The following WDR49 variants were observed in gnomAD, a reference collection of about 807,000 sequenced individuals.
WDR49 encodes the protein cilia- and flagella-associated protein 337.
A neutral mutation model predicts 119.5 loss-of-function variants in WDR49; 107 were observed. The ratio of observed to expected loss-of-function variants is 0.90; its 90% CI spans 0.77 to 1.05. The LOEUF is 1.05. Ranked by LOEUF, WDR49 falls within the 50% of genes least tolerant of loss-of-function variation. The probability of loss-of-function intolerance (pLI) is 0.00; values close to 1 mark genes in which losing one functional copy is unlikely to be tolerated. For synonymous variants in WDR49, 425 were observed against 418.8 expected (o/e 1.01, Z -0.18); for missense variants, 1,240 against 1,220.5 (o/e 1.02, Z -0.24).
intron 10 of WDR49, among the ~76,000 whole-genome samples, chr3:167,545,495 T>TTA (rs1437973289): frequency 1.6e-5 from 2 of 121,596 alleles, no homozygotes; most frequent in Non-Finnish European, 3.6e-5. Flanking sequence ...CATATATATA[T>TTA]TATATATTAT....
chr3:167,536,712 C>CACATAT lies in WDR49; in HGVS notation c.1954+157_1954+158insATATGT, dbSNP rs142755774. ...ATATATATATATATATATACACACA[C>CACATAT]ATATATATATATATATATATACACA... is the stretch of plus-strand genomic sequence containing the variant. On this transcript the variant is annotated intron_variant, in intron 11 of 18. Coordinates refer to ENST00000682715, the MANE Select transcript of WDR49 (RefSeq NM_001366157.1). Among the ~76,000 whole-genome samples, 5 of 136,890 alleles carry CACATAT rather than the reference C, an allele frequency of 3.7e-5. No individual in the cohort carries two copies. The East Asian group carries it at 1.0e-3, about 28-fold the overall frequency. 89.8% of individuals were successfully genotyped at this position (136,890 alleles called of 152,430 possible).
intron 8 of WDR49, among the ~76,000 whole-genome samples, chr3:167,570,107 G>T (rs1183887754): frequency 1.6e-5 from 2 of 125,226 alleles, no homozygotes; most frequent in East Asian, 4.0e-4. Flanking sequence ...CTTTAAGCTA[G>T]CCAAAAAAAA....
At chr3:167,576,196 T>C in intron 7 of WDR49, 45 bp from the exon 8 acceptor site, 3 of 1,551,022 alleles carry the variant, frequency 1.9e-6, no homozygotes, top group Non-Finnish European at 2.6e-6. Flanking sequence ...CAAAGATAAT[T>C]GTAATCTTTT....
chr3:167,528,174 G>T (rs936994465), intron 14 of WDR49, among the ~76,000 whole-genome samples, 157 bp from the exon 15 acceptor site: 1 of 151,708 alleles, frequency 6.6e-6, no homozygotes, highest in Non-Finnish European at 1.5e-5. Context: ...GCTAGAAAAC[G>T]AAATTACATT....
chr3:167,634,582 G>A (rs978497352), intron 2 of WDR49, among the ~76,000 whole-genome samples: 13 of 151,712 alleles, frequency 8.6e-5, no homozygotes, highest in Admixed American at 5.3e-4. Context: ...TTTAGAAAAA[G>A]CATAAACTCT....
chr3:167,581,967 G>A (rs997155456), intron 7 of WDR49, among the ~76,000 whole-genome samples: 7 of 151,844 alleles, frequency 4.6e-5, no homozygotes, highest in African/African-American at 1.7e-4. Context: ...ACTAACTCCT[G>A]TTATCCTGTT....
chr3:167,653,692 T>G, intron 1 of WDR49, 142 bp downstream of exon 1: 2 of 293,740 alleles, frequency 6.8e-6, no homozygotes, highest in Non-Finnish European at 1.3e-5. Context: ...TTTTACCCCT[T>G]CCTTATACTC....
intron 5 of WDR49, among the ~76,000 whole-genome samples, chr3:167,615,555 T>A (rs2108317187): frequency 6.6e-6 from 1 of 152,210 alleles, no homozygotes; most frequent in Non-Finnish European, 1.5e-5. Context: ...ACCCAATAAT[T>A]TATCTAAGAC....
At chr3:167,513,352 A>G (rs4302382) in intron 16 of WDR49, among the ~76,000 whole-genome samples, 43,931 of 152,002 alleles carry the variant, frequency 0.29, 6,540 homozygotes, top group African/African-American at 0.35. Context: ...TCCATATCAA[A>G]CCAAACTAAG....
intron 7 of WDR49, among the ~76,000 whole-genome samples, chr3:167,594,567 G>T (rs1190888606): frequency 6.6e-6 from 1 of 152,144 alleles, no homozygotes; most frequent in Non-Finnish European, 1.5e-5. Flanking sequence ...TCTGAAGTTG[G>T]AAATTATGTT....
chr3:167,557,036 C>CA (rs1441313574), intron 9 of WDR49, among the ~76,000 whole-genome samples: 8 of 151,448 alleles, frequency 5.3e-5, no homozygotes, highest in African/African-American at 1.9e-4. Flanking sequence ...AACAAACAAA[C>CA]AAACAAAAAA....
At position 167,595,134 on chromosome 3, in the gene WDR49, T is replaced by C. The variant is rs556344282; in HGVS notation, c.1275+6993A>G. On this transcript the variant is annotated intron_variant, in intron 7 of 18. Transcript: ENST00000682715. ...CCATTCACAATTGCTTCAAAGAGAA[T>C]AAAATACTTAGGAATCTAACTTACA... Among the ~76,000 whole-genome samples the C allele has an allele frequency of 2.0e-5, 3 of 152,050 alleles. No individual in the cohort carries two copies. The East Asian group carries it at 5.8e-4, about 29-fold the overall frequency.
At chr3:167,594,365 A>G (rs910734809) in intron 7 of WDR49, among the ~76,000 whole-genome samples, 21 of 152,182 alleles carry the variant, frequency 1.4e-4, no homozygotes, top group Admixed American at 1.1e-3. Context: ...AACCGGAGCA[A>G]AGGTCAAACT....
intron 17 of WDR49, among the ~76,000 whole-genome samples, chr3:167,503,254 A>T (rs1751645007): frequency 6.6e-6 from 1 of 152,214 alleles, no homozygotes; most frequent in Admixed American, 6.5e-5. Flanking sequence ...AGAGGATGCA[A>T]GAGAAATCCT....
chr3:167,494,379 C>T (rs868579312), intron 18 of WDR49, among the ~76,000 whole-genome samples: 1 of 151,970 alleles, frequency 6.6e-6, no homozygotes, highest in East Asian at 1.9e-4. Context: ...CTGGTCATGA[C>T]ACTTTCTTGT....
In WDR49 at chr3:167,600,526, T is replaced by G. The variant is rs1049394826; in HGVS notation, c.1275+1601A>C. Among the ~76,000 whole-genome samples, 3 of 152,166 alleles carry G rather than the reference T, an allele frequency of 2.0e-5. No homozygotes were observed. The South Asian group carries it at 6.2e-4, about 32-fold the overall frequency. On this transcript the variant is annotated intron_variant, in intron 7 of 18. Transcript: ENST00000682715. ...TGTGTATGTGTAGATAGTTGTTAAA[T>G]TTGGTGTTCCTATTGGGGGAGACCA...
chr3:167,645,390 T>C (rs2108344270), intron 2 of WDR49, among the ~76,000 whole-genome samples: 1 of 152,008 alleles, frequency 6.6e-6, no homozygotes, highest in African/African-American at 2.4e-5. Context: ...TTCGTATTTT[T>C]GTAGAGATGG....
intron 17 of WDR49, among the ~76,000 whole-genome samples, chr3:167,501,179 G>A (rs1751551002): frequency 6.6e-6 from 1 of 152,154 alleles, no homozygotes; most frequent in African/African-American, 2.4e-5. Flanking sequence ...ACGGTGCTAG[G>A]CCAGGGACCA....
intron 9 of WDR49, among the ~76,000 whole-genome samples, chr3:167,556,582 G>A (rs1363165928): frequency 6.6e-6 from 1 of 152,138 alleles, no homozygotes; most frequent in Non-Finnish European, 1.5e-5. Flanking sequence ...GGTCACATTG[G>A]TGCTATCAAA....
Sources: gnomAD v4.1 joint callset for allele counts (sites outside exome capture counted in the v4.1 genomes callset) on GRCh38, gnomAD v4.1.1 for gene constraint, MANE v1.5 for transcripts, NCBI Gene and HGNC (gene_info 2026-07-23, HGNC 2026-07-21) for gene names.